ZFYVE27: variants seen among roughly 807,000 people sequenced by gnomAD.
ZFYVE27 encodes the protein zinc finger FYVE-type containing 27.
In ZFYVE27, 36 loss-of-function variants were observed where a neutral mutation model predicts 52.8. The observed-to-expected ratio is 0.68, with a 90% CI of 0.52 to 0.90. The LOEUF is 0.90. Among genes scored for constraint, ZFYVE27 ranks in the 40% least tolerant of loss-of-function variants. The pLI is 0.00. For synonymous variants in ZFYVE27, 223 were observed against 215.6 expected (o/e 1.03, Z -0.30); for missense variants, 450 against 527.2 (o/e 0.85, Z 1.43).
intron 10 of ZFYVE27, among the ~76,000 whole-genome samples, chr10:97,756,355 G>A (rs2048335540): frequency 6.6e-6 from 1 of 152,124 alleles, no homozygotes; most frequent in African/African-American, 2.4e-5. Context: ...CCTGAACCTA[G>A]GGAGTCTCCT....
chr10:97,755,745 T>TC (rs1452760430), intron 10 of ZFYVE27, among the ~76,000 whole-genome samples: 1 of 152,118 alleles, frequency 6.6e-6, no homozygotes, highest in Non-Finnish European at 1.5e-5. Context: ...CTCTGTGGCC[T>TC]CCGTATGGGA....
At chr10:97,755,692 A>C (rs183760416) in intron 10 of ZFYVE27, among the ~76,000 whole-genome samples, 287 of 151,884 alleles carry the variant, frequency 1.9e-3, no homozygotes, top group Non-Finnish European at 3.3e-3. Context: ...CCAGTGGATG[A>C]GGGGGTGCAT....
intron 3 of ZFYVE27, among the ~76,000 whole-genome samples, chr10:97,743,487 G>A (rs767573632): frequency 1.6e-4 from 24 of 152,224 alleles, no homozygotes; most frequent in Non-Finnish European, 7.3e-5. Flanking sequence ...AGTGCCTGGC[G>A]TGGAAGAGGC....
chr10:97,754,373 C>T (rs906899762), intron 10 of ZFYVE27, among the ~76,000 whole-genome samples: 2 of 149,048 alleles, frequency 1.3e-5, no homozygotes, highest in African/African-American at 5.0e-5. Context: ...AGTGCAGTGG[C>T]ATGATCACAG....
intron 11 of ZFYVE27, 54 bp downstream of exon 11, chr10:97,757,365 G>A (rs1358085253): frequency 8.1e-6 from 13 of 1,612,178 alleles, no homozygotes; most frequent in South Asian, 4.4e-5. Flanking sequence ...GGACTGTCGG[G>A]TGGGGAGGAG....
intron 12 of ZFYVE27, chr10:97,757,943 A>G (rs1564839414): frequency 9.1e-6 from 5 of 548,904 alleles, no homozygotes; most frequent in South Asian, 2.2e-5. Flanking sequence ...TAATAACAAG[A>G]TGAATACCTG....
Position 97,757,322 on chromosome 10 carries a change from G to T in ZFYVE27, c.1089+11G>T. On this transcript the variant is annotated intron_variant, in intron 11 of 12. Transcript: ENST00000684270. ...GTGCTGAAGAAGAGGGTGAGTGTCT[G>T]TGAGGGTGCATTTGTTGGGGACAGT... The T allele has an allele frequency of 6.2e-7, 1 of 1,614,172 alleles. No homozygotes were observed. The highest frequency in any genetic ancestry group is 8.5e-7 in the Non-Finnish European group (1 of 1,180,026).
chr10:97,739,606 A>G (rs10748707), intron 2 of ZFYVE27, among the ~76,000 whole-genome samples: 82,157 of 152,056 alleles, frequency 0.54, 22,899 homozygotes, highest in Middle Eastern at 0.62. Flanking sequence ...ACTCCTTGAT[A>G]TCATCCTATA....
chr10:97,752,341 C>G (rs1590075271), intron 8 of ZFYVE27, among the ~76,000 whole-genome samples: 2 of 152,224 alleles, frequency 1.3e-5, no homozygotes, highest in Admixed American at 6.5e-5. Context: ...CATACATCAG[C>G]CCAGGCCATG....
intron 5 of ZFYVE27, 92 bp downstream of exon 5, chr10:97,748,456 T>A: frequency 7.6e-7 from 1 of 1,319,102 alleles, no homozygotes; most frequent in Non-Finnish European, 1.1e-6. Context: ...CCTCTGCCCC[T>A]CTTACCTCAG....
chr10:97,753,574 C>G (rs1158266330), intron 10 of ZFYVE27, among the ~76,000 whole-genome samples: 7 of 152,120 alleles, frequency 4.6e-5, no homozygotes, highest in Non-Finnish European at 1.5e-5. Context: ...GCCAGGTGTC[C>G]TTGAGCAAAT....
chr10:97,745,867 G>C (rs1426381727), intron 4 of ZFYVE27, among the ~76,000 whole-genome samples: 2 of 152,010 alleles, frequency 1.3e-5, no homozygotes, highest in African/African-American at 4.8e-5. Context: ...TGGGGTCTCT[G>C]CATTCTCTTG....
chr10:97,756,827 T>G (rs924934139), intron 10 of ZFYVE27, among the ~76,000 whole-genome samples: 8 of 152,196 alleles, frequency 5.3e-5, no homozygotes, highest in African/African-American at 1.4e-4. Flanking sequence ...AGCAGGAGTT[T>G]AGGTTTTTAG....
At chr10:97,748,161 T>A in intron 4 of ZFYVE27, 108 bp from the exon 5 acceptor site, 1 of 1,001,346 alleles carries the variant, frequency 1.0e-6, no homozygotes, top group African/African-American at 1.6e-5. Context: ...ACATGGTGAG[T>A]GTGTTTAAAG....
intron 4 of ZFYVE27, among the ~76,000 whole-genome samples, chr10:97,746,932 C>A (rs1185913996): frequency 2.0e-5 from 3 of 152,150 alleles, no homozygotes; most frequent in Non-Finnish European, 4.4e-5. Context: ...CTCTAGCAAT[C>A]CTCCTGCTTC....
At position 97,759,976 on chromosome 10, in the gene ZFYVE27, C is replaced by G. The variant is rs1277493372; in HGVS notation, c.*676C>G. On this transcript the variant is annotated 3_prime_UTR_variant, in exon 13 of 13. Coordinates refer to ENST00000684270, the MANE Select transcript of ZFYVE27 (RefSeq NM_001385875.1). ...AAGTGGAGGAAAGCTTGGGGAAGCCCCAATAGCTGGACAGACCTCGGCCTC... is the reference window on the plus strand; with the variant it reads ...AAGTGGAGGAAAGCTTGGGGAAGCCGCAATAGCTGGACAGACCTCGGCCTC... 6.4e-6 allele frequency: 1 copy of G among 155,988 alleles called. No individual in the cohort carries two copies. The highest frequency in any genetic ancestry group is 1.9e-4 in the South Asian group (1 of 5,168). 9.7% of individuals were successfully genotyped at this position (155,988 alleles called of 1,614,324 possible).
chr10:97,756,481 A>G (rs138310936), intron 10 of ZFYVE27, among the ~76,000 whole-genome samples: 6 of 152,308 alleles, frequency 3.9e-5, no homozygotes, highest in Middle Eastern at 3.4e-3. Context: ...ACTTGCCCAG[A>G]CAGGTGGTCC....
chr10:97,752,954 G>A, intron 9 of ZFYVE27, 77 bp downstream of exon 9: 1 of 1,613,204 alleles, frequency 6.2e-7, no homozygotes, highest in Non-Finnish European at 8.5e-7. Context: ...ACACCTCGTG[G>A]GGGCTGCCGC....
At position 97,743,182 on chromosome 10, in the gene ZFYVE27, G is replaced by A; in HGVS notation, c.268+18G>A. On this transcript the variant is annotated intron_variant, in intron 3 of 12. Coordinates refer to ENST00000684270, the MANE Select transcript of ZFYVE27 (RefSeq NM_001385875.1). ...GAATGAGGGTAAGAACTGCCTTCAG[G>A]GGCCAGTGGTTTTTGTGAACGAATG... 6.2e-7 allele frequency: 1 copy of A among 1,614,096 alleles called. No homozygotes were observed. The highest frequency in any genetic ancestry group is 8.5e-7 in the Non-Finnish European group (1 of 1,179,982).
Sources: allele counts gnomAD v4.1 joint callset (sites outside exome capture counted in the v4.1 genomes callset), GRCh38; gene constraint gnomAD v4.1.1; transcripts MANE v1.5; gene names NCBI Gene and HGNC (gene_info 2026-07-23, HGNC 2026-07-21).